ANXA7: variants seen among roughly 807,000 people sequenced by gnomAD.
ANXA7 encodes annexin A7.
In ANXA7, 55 loss-of-function variants were observed where a neutral mutation model predicts 64.9. The observed-to-expected ratio is 0.85, with a 90% CI of 0.68 to 1.06. The LOEUF (loss-of-function observed/expected upper bound fraction) is 1.06, where lower values mean the gene tolerates loss of function less well. Ranked by LOEUF, ANXA7 falls within the 50% of genes least tolerant of loss-of-function variation. ANXA7 has a pLI of 0.00. For synonymous variants in ANXA7, 200 were observed against 192.4 expected (o/e 1.04, Z -0.33); for missense variants, 548 against 582.1 (o/e 0.94, Z 0.60).
chr10:73,413,634 T>G (rs1007487522), intron 1 of ANXA7, among the ~76,000 whole-genome samples: 7 of 152,228 alleles, frequency 4.6e-5, no homozygotes, highest in Non-Finnish European at 1.0e-4. Flanking sequence ...CACCGGAAAG[T>G]ACAGCCACTA....
intron 1 of ANXA7, among the ~76,000 whole-genome samples, chr10:73,402,364 G>T (rs2055680213): frequency 6.6e-6 from 1 of 151,442 alleles, no homozygotes; most frequent in South Asian, 2.1e-4. Flanking sequence ...CATGCCTGGT[G>T]AATTTTTGTA....
At chr10:73,380,500 C>G (rs1298633293) in intron 9 of ANXA7, among the ~76,000 whole-genome samples, 1 of 152,044 alleles carries the variant, frequency 6.6e-6, no homozygotes, top group East Asian at 1.9e-4. Context: ...TCTCTAACTC[C>G]TGGGCTTAAG....
intron 2 of ANXA7, among the ~76,000 whole-genome samples, chr10:73,398,830 T>C (rs1398409219): frequency 6.6e-6 from 1 of 152,140 alleles, no homozygotes; most frequent in Non-Finnish European, 1.5e-5. Flanking sequence ...AACCTGTATA[T>C]CACATCACAC....
chr10:73,395,821 C>T (rs554838308), intron 5 of ANXA7: 1 of 625,392 alleles, frequency 1.6e-6, no homozygotes, highest in South Asian at 1.5e-5. Context: ...CGGAGTAGGG[C>T]AAATATTTGA....
intron 1 of ANXA7, among the ~76,000 whole-genome samples, chr10:73,408,742 C>T (rs1321690480): frequency 6.6e-6 from 1 of 152,050 alleles, no homozygotes; most frequent in Admixed American, 6.6e-5. Flanking sequence ...AATACTTGCA[C>T]AAGGACAAAA....
In ANXA7 at chr10:73,387,694, C is replaced by T. The variant is rs750509037; in HGVS notation, c.628G>A (p.Gly210Ser). The change falls in exon 7 of 13, where the codon GGC becomes AGC. Residue 210 changes from glycine (G) to serine (S), a missense_variant. By Grantham distance (56) the Gly-to-Ser change is moderately conservative. Coordinates refer to ENST00000372921, the MANE Select transcript of ANXA7 (RefSeq NM_001156.5). ...KIKAAFKTSY[G>S]KDLIKDLKSE... ...TCCAGGAAAGAAAAACATACCTTGC[C>T]ATAGGAGGTCTTAAATGCTGCTTTA... The T allele has an allele frequency of 6.2e-7, 1 of 1,613,368 alleles. No homozygotes were observed. Among genetic ancestry groups the T allele is most frequent in the South Asian group, 1.1e-5 (1 of 91,078 alleles).
At chr10:73,379,988 T>C in intron 10 of ANXA7, 34 bp from the exon 11 acceptor site, 1 of 1,613,032 alleles carries the variant, frequency 6.2e-7, no homozygotes, top group East Asian at 2.2e-5. Flanking sequence ...AATATTTTTG[T>C]ATCTTACAGC....
intron 1 of ANXA7, among the ~76,000 whole-genome samples, chr10:73,411,796 G>A (rs2132708265): frequency 6.6e-6 from 1 of 151,646 alleles, no homozygotes; most frequent in African/African-American, 2.4e-5. Context: ...ACAAGGAGGT[G>A]TTATGTGGTT....
At chr10:73,384,120 C>CAAA in intron 7 of ANXA7, among the ~76,000 whole-genome samples, 1 of 128,114 alleles carries the variant, frequency 7.8e-6, no homozygotes, top group South Asian at 2.5e-4. Context: ...GACTCCGTCT[C>CAAA]AAAAAAAAAA....
At chr10:73,392,338 T>C (rs1467212532) in intron 5 of ANXA7, among the ~76,000 whole-genome samples, 1 of 152,166 alleles carries the variant, frequency 6.6e-6, no homozygotes, top group Non-Finnish European at 1.5e-5. Context: ...GAATCCTCAG[T>C]AACTCATTTT....
At chr10:73,384,732 T>C (rs1305085578) in intron 7 of ANXA7, among the ~76,000 whole-genome samples, 4 of 148,852 alleles carry the variant, frequency 2.7e-5, no homozygotes, top group African/African-American at 9.9e-5. Flanking sequence ...GATACACATC[T>C]AAAAAAAAAA....
intron 4 of ANXA7, 27 bp downstream of exon 4, chr10:73,397,137 G>GT (rs770085652): frequency 9.0e-6 from 12 of 1,331,538 alleles, no homozygotes; most frequent in South Asian, 5.1e-5. Flanking sequence ...TCATGATACT[G>GT]TTTTTTTCTG....
chr10:73,383,392 G>T (rs780985059), intron 8 of ANXA7, 47 bp from the exon 9 acceptor site: 5 of 1,528,888 alleles, frequency 3.3e-6, no homozygotes, highest in Admixed American at 2.0e-5. Context: ...TGAAATTTCT[G>T]CAAGTAATTA....
chr10:73,383,132 T>C, intron 9 of ANXA7, 43 bp downstream of exon 9: 1 of 1,531,624 alleles, frequency 6.5e-7, no homozygotes, highest in Non-Finnish European at 8.8e-7. Context: ...GCTTTTAAAG[T>C]ATGTTCCCTC....
Position 73,380,184 on chromosome 10 carries a change from G to C in ANXA7, c.936C>G (p.Asn312Lys). 6.2e-7 allele frequency: 1 copy of C among 1,609,272 alleles called. No homozygotes were observed. Among genetic ancestry groups the C allele is most frequent in the Non-Finnish European group, 8.5e-7 (1 of 1,178,876 alleles). The change falls in exon 10 of 13, where the codon AAC becomes AAG. Residue 312 changes from asparagine (N) to lysine (K), a missense_variant. Asn to Lys is a moderately conservative substitution (Grantham distance 94). Transcript: ENST00000372921. ...VSMCQGNRDE[N>K]QSINHQMAQE... Reference sequence around the variant, plus strand: ...GAGCCATTTGGTGGTTTATACTCTGGTTCTCATCACGATTTCCCTGCAAAA... The same window carrying C: ...GAGCCATTTGGTGGTTTATACTCTGCTTCTCATCACGATTTCCCTGCAAAA...
chr10:73,389,870 CT>C (rs2055440241), intron 5 of ANXA7, among the ~76,000 whole-genome samples: 1 of 152,206 alleles, frequency 6.6e-6, no homozygotes, highest in Non-Finnish European at 1.5e-5. Flanking sequence ...AGTGATCCCC[CT>C]GCCTTGGCCT....
At position 73,398,171 on chromosome 10, in the gene ANXA7, C is replaced by G. The variant is rs772745629; in HGVS notation, c.259+10G>C. On this transcript the variant is annotated intron_variant, in intron 3 of 12. Coordinates refer to ENST00000372921, the MANE Select transcript of ANXA7 (RefSeq NM_001156.5). Reference sequence around the variant, plus strand: ...CCCAATCATTACTAATTCCGCAACCCGTAACTCACCTCCGGGATAGGATGG... The same window carrying G: ...CCCAATCATTACTAATTCCGCAACCGGTAACTCACCTCCGGGATAGGATGG... 1.2e-6 allele frequency: 2 copies of G among 1,605,188 alleles called. No homozygotes were observed. Among genetic ancestry groups the G allele is most frequent in the Non-Finnish European group, 1.7e-6 (2 of 1,174,130 alleles).
In ANXA7 at chr10:73,401,150, T is replaced by G. The variant is rs183306254; in HGVS notation, c.-1-293A>C. On this transcript the variant is annotated intron_variant, in intron 1 of 12. Coordinates refer to ENST00000372921, the MANE Select transcript of ANXA7 (RefSeq NM_001156.5). ...CAATCTCTTAACCTGGTGATCCACC[T>G]GCCTCAGCCTCCCAAAGTGCTGGGA... Among the ~76,000 whole-genome samples, 525 of 152,180 alleles carry G rather than the reference T, an allele frequency of 3.4e-3. 2 individuals carry two copies. Among genetic ancestry groups the G allele is most frequent in the African/African-American group, 0.012 (502 of 41,540 alleles).
At position 73,387,766 on chromosome 10, in the gene ANXA7, T is replaced by C. The variant is rs546249042; in HGVS notation, c.556A>G (p.Ile186Val). ...MKGFGTDEQA[I>V]VDVVANRSND... Reference sequence around the variant, plus strand: ...GAACGGTTGGCCACCACATCCACAATTGCCTGCTCATCTGTCCCTGGAAGA... The same window carrying C: ...GAACGGTTGGCCACCACATCCACAACTGCCTGCTCATCTGTCCCTGGAAGA... Residue 186 changes from isoleucine (I) to valine (V), a missense_variant, in exon 7 of 13, where the codon ATT (isoleucine) becomes GTT (valine). Transcript: ENST00000372921. 37 of 1,612,712 alleles carry C rather than the reference T, an allele frequency of 2.3e-5. 1 individual carries two copies. Among genetic ancestry groups the C allele is most frequent in the South Asian group, 1.9e-4 (17 of 90,900 alleles).
Sources: allele counts gnomAD v4.1 joint callset (sites outside exome capture counted in the v4.1 genomes callset), GRCh38; gene constraint gnomAD v4.1.1; transcripts MANE v1.5; gene names NCBI Gene and HGNC (gene_info 2026-07-23, HGNC 2026-07-21).